TMEM116: variants seen among roughly 807,000 people sequenced by gnomAD.
The protein encoded by TMEM116 is transmembrane protein 116.
In TMEM116, 38 loss-of-function variants were observed where a neutral mutation model predicts 44.3. That is an observed-to-expected ratio of 0.86 (90% CI 0.66 to 1.12). The LOEUF is 1.12. TMEM116 is among the 50% of genes most tolerant of loss of function. The pLI, the probability that TMEM116 is intolerant of heterozygous loss-of-function variation, is 0.00. For missense variants in TMEM116, 354 were observed against 401.7 expected (o/e 0.88, Z 1.01); for synonymous variants, 132 against 144.8 (o/e 0.91, Z 0.64).
chr12:111,966,437 C>A (rs1444977029), intron 4 of TMEM116, among the ~76,000 whole-genome samples: 1 of 151,996 alleles, frequency 6.6e-6, no homozygotes. Flanking sequence ...TTAGATAGGT[C>A]AACAGTAATA....
Position 111,986,127 on chromosome 12 carries a change from A to G in TMEM116, c.210+5631T>C, listed in dbSNP as rs2076215673. Among the ~76,000 whole-genome samples, 5 of 150,664 alleles carry G rather than the reference A, an allele frequency of 3.3e-5. 1 individual carries two copies. In the South Asian group the frequency reaches 1.1e-3, roughly 32 times the overall value. On this transcript the variant is annotated intron_variant, in intron 4 of 10. Transcript: ENST00000552374. ...TCCCAGCACTTTGGGAGGTTGAGGT[A>G]GGAGGATCACTTGAGCCCAGAGGTT...
At chr12:111,946,747 TAC>T (rs2073314848) in intron 4 of TMEM116, among the ~76,000 whole-genome samples, 1 of 152,240 alleles carries the variant, frequency 6.6e-6, no homozygotes, top group African/African-American at 2.4e-5. Context: ...TAAAACTGTG[TAC>T]ACTCTCATAA....
chr12:111,932,812 T>C, intron 9 of TMEM116, 153 bp from the exon 10 acceptor site: 2 of 634,306 alleles, frequency 3.2e-6, no homozygotes, highest in South Asian at 1.9e-5. Context: ...CAATGAGTCT[T>C]AGGCCTCCAA....
At chr12:111,934,844 G>C (rs1031948447) in intron 8 of TMEM116, 1 of 151,930 alleles carries the variant, frequency 6.6e-6, no homozygotes, top group African/African-American at 2.4e-5. Context: ...GTCTGAATAA[G>C]GTTTAGCTCA....
chr12:112,005,404 A>G, intron 1 of TMEM116, 101 bp from the exon 2 acceptor site: 1 of 859,754 alleles, frequency 1.2e-6, no homozygotes, highest in Admixed American at 4.3e-5. Context: ...TTTTTCTTCA[A>G]AGCCTAATCT....
At chr12:111,996,533 A>C (rs1395556129) in intron 3 of TMEM116, among the ~76,000 whole-genome samples, 1 of 152,246 alleles carries the variant, frequency 6.6e-6, no homozygotes, top group Non-Finnish European at 1.5e-5. Flanking sequence ...GATAACAGCA[A>C]GTATTAACGG....
chr12:111,967,918 T>C (rs1718221275), intron 4 of TMEM116, among the ~76,000 whole-genome samples: 1 of 152,162 alleles, frequency 6.6e-6, no homozygotes, highest in Non-Finnish European at 1.5e-5. Flanking sequence ...TTAACTGCCC[T>C]ATCTTACCTC....
chr12:111,978,320 G>C (rs2075775873), intron 4 of TMEM116, among the ~76,000 whole-genome samples: 1 of 151,898 alleles, frequency 6.6e-6, no homozygotes, highest in African/African-American at 2.4e-5. Flanking sequence ...AGAATCGCTT[G>C]AACCTGGGAG....
chr12:111,954,195 A>G (rs2073932778), intron 4 of TMEM116, among the ~76,000 whole-genome samples: 1 of 152,246 alleles, frequency 6.6e-6, no homozygotes, highest in African/African-American at 2.4e-5. Flanking sequence ...TGTAAAATTT[A>G]GGCCTTAGAG....
At chr12:111,969,908 A>T (rs1322499846) in intron 4 of TMEM116, among the ~76,000 whole-genome samples, 1 of 152,092 alleles carries the variant, frequency 6.6e-6, no homozygotes, top group African/African-American at 2.4e-5. Context: ...TCTAAATGAG[A>T]TTAAGGACAG....
chr12:111,965,214 G>C (rs1394000245), intron 4 of TMEM116, among the ~76,000 whole-genome samples: 1 of 152,042 alleles, frequency 6.6e-6, no homozygotes, highest in Non-Finnish European at 1.5e-5. Flanking sequence ...GAGCCAGCTA[G>C]AGAGTAATTT....
chr12:111,997,610 A>C (rs1247760732), intron 3 of TMEM116, among the ~76,000 whole-genome samples: 1 of 152,154 alleles, frequency 6.6e-6, no homozygotes, highest in Non-Finnish European at 1.5e-5. Context: ...GATATTACCT[A>C]ATATGAGAAC....
intron 4 of TMEM116, among the ~76,000 whole-genome samples, chr12:111,959,075 A>G (rs2074379926): frequency 6.6e-6 from 1 of 152,214 alleles, no homozygotes; most frequent in Non-Finnish European, 1.5e-5. Flanking sequence ...AATGAAAGAA[A>G]AAATGTTAAG....
intron 4 of TMEM116, among the ~76,000 whole-genome samples, chr12:111,946,381 T>C (rs2073277659): frequency 6.6e-6 from 1 of 152,244 alleles, no homozygotes; most frequent in African/African-American, 2.4e-5. Flanking sequence ...GTAATAAGCA[T>C]TAGTTCTATA....
intron 3 of TMEM116, among the ~76,000 whole-genome samples, chr12:111,997,101 T>G (rs549297227): frequency 1.3e-5 from 2 of 152,326 alleles, no homozygotes; most frequent in Admixed American, 6.5e-5. Context: ...GAGCTGTGAT[T>G]GGGAAGAACC....
chr12:111,972,185 T>C (rs1347841034), intron 4 of TMEM116, among the ~76,000 whole-genome samples: 2 of 145,636 alleles, frequency 1.4e-5, no homozygotes, highest in African/African-American at 2.6e-5. Context: ...ACCATGGCAA[T>C]AGTAATCAAA....
At chr12:111,943,472 A>G in intron 4 of TMEM116, 103 bp from the exon 5 acceptor site, 1 of 803,182 alleles carries the variant, frequency 1.2e-6, no homozygotes, top group Non-Finnish European at 2.0e-6. Context: ...CCTACCTACT[A>G]GTCTATTAGT....
At chr12:111,978,753 G>C (rs1390382656) in intron 4 of TMEM116, 1 of 444,738 alleles carries the variant, frequency 2.2e-6, no homozygotes, top group Non-Finnish European at 4.5e-6. Context: ...CAGATCTGCT[G>C]ATTATCTTAA....
Position 111,956,954 on chromosome 12 carries a change from C to T in TMEM116, c.211-13585G>A, listed in dbSNP as rs563400326. On this transcript the variant is annotated intron_variant, in intron 4 of 10. Coordinates refer to ENST00000552374, the MANE Select transcript of TMEM116 (RefSeq NM_001193531.2). ...GCCACCCCGTATAGGAAGTGAGGAGCGTCTCTGCCTGGCCGCCCATCGTCT... is the reference window on the plus strand; with the variant it reads ...GCCACCCCGTATAGGAAGTGAGGAGTGTCTCTGCCTGGCCGCCCATCGTCT... 8.4e-4 allele frequency among the ~76,000 whole-genome samples: 127 copies of T among 151,700 alleles called. 2 individuals carry two copies. In the South Asian group the frequency reaches 0.025, roughly 30 times the overall value.
Sources: gnomAD v4.1 joint callset for allele counts (sites outside exome capture counted in the v4.1 genomes callset) on GRCh38, gnomAD v4.1.1 for gene constraint, MANE v1.5 for transcripts, NCBI Gene and HGNC (gene_info 2026-07-23, HGNC 2026-07-21) for gene names.